Variants in AP5M1 observed in about 807,000 individuals in gnomAD.
AP5M1 encodes the protein adaptor related protein complex 5 subunit mu 1, also known as AP-5 complex subunit mu-1.
Under a neutral mutation model 52.3 loss-of-function variants are expected in AP5M1, and 44 were observed. The ratio of observed to expected loss-of-function variants is 0.84; its 90% confidence interval spans 0.66 to 1.08. The LOEUF (loss-of-function observed/expected upper bound fraction) is 1.08, where lower values mean the gene tolerates loss of function less well. Among genes scored for constraint, AP5M1 ranks in the 50% least tolerant of loss-of-function variants. The pLI, the probability that AP5M1 is intolerant of heterozygous loss-of-function variation, is 0.00. For missense variants in AP5M1, 526 were observed against 568.4 expected (o/e 0.93, Z 0.76); for synonymous variants, 213 against 199.0 (o/e 1.07, Z -0.59).
At chr14:57,285,827 A>G (rs986935513) in intron 6 of AP5M1, among the ~76,000 whole-genome samples, 3 of 152,122 alleles carry the variant, frequency 2.0e-5, no homozygotes. Flanking sequence ...CACGGGGGAG[A>G]CAGCACCAGC....
intron 6 of AP5M1, among the ~76,000 whole-genome samples, chr14:57,284,028 T>C (rs1353371998): frequency 2.0e-5 from 3 of 152,142 alleles, no homozygotes; most frequent in East Asian, 1.9e-4. Context: ...AAATAGAAGA[T>C]GTAGTCCTTG....
Position 57,291,164 on chromosome 14 carries a change from CA to C in AP5M1, c.*2281del, listed in dbSNP as rs1885426722. On this transcript the variant is annotated 3_prime_UTR_variant, in exon 8 of 8. Transcript: ENST00000261558. ...AAATTATCTCACTATGGATTTTATT[CA>C]TTTTCTTTGATAACTATTCTTTGCA... The C allele has an allele frequency of 6.6e-6, 1 of 151,890 alleles. No individual in the cohort carries two copies. Among genetic ancestry groups the C allele is most frequent in the South Asian group, 2.1e-4 (1 of 4,830 alleles). The allele number at this position is 151,890 out of a possible 1,614,324, so 9.4% of individuals were successfully genotyped here.
Position 57,274,549 on chromosome 14 carries a change from G to C in AP5M1, c.380G>C (p.Gly127Ala), listed in dbSNP as rs1022834493. 1.5e-5 allele frequency: 25 copies of C among 1,614,020 alleles called. No individual in the cohort carries two copies. The African/African-American group carries it at 3.2e-4, about 21-fold the overall frequency. ...SPRPPLISVSGVSQGFEFLFG... is the reference protein window; with the variant it reads ...SPRPPLISVSAVSQGFEFLFG... ...CGTCCGCCACTAATTAGTGTCAGTG[G>C]AGTTTCACAAGGCTTTGAATTTCTT... is the stretch of plus-strand genomic sequence containing the variant. Residue 127 changes from glycine to alanine, a missense_variant, in exon 2 of 8, where the codon GGA becomes GCA. Gly to Ala is a moderately conservative substitution (Grantham distance 60). This residue lies in a region of AP5M1 where 425 missense variants were observed against 430.6 expected (regional missense o/e 0.99). Coordinates refer to ENST00000261558, the MANE Select transcript of AP5M1 (RefSeq NM_018229.4).
At chr14:57,273,755 G>A (rs747672578) in intron 1 of AP5M1, 1 of 701,636 alleles carries the variant, frequency 1.4e-6, no homozygotes, top group African/African-American at 1.7e-5. Flanking sequence ...TATAAGTTAA[G>A]TAGAATAGAA....
Position 57,282,083 on chromosome 14 carries a change from T to C in AP5M1, c.949-6T>C. The C allele has an allele frequency of 1.3e-6, 2 of 1,564,294 alleles. No individual in the cohort carries two copies. The highest frequency in any genetic ancestry group is 1.7e-6 in the Non-Finnish European group (2 of 1,162,862). ...GAATTATATAGACATTTATGTTTCT[T>C]TTTAGGTCCCTGTCCCACCAATTTT... is the stretch of plus-strand genomic sequence containing the variant. On this transcript the variant is annotated splice_polypyrimidine_tract_variant and splice_region_variant and intron_variant, in intron 3 of 7. Transcript: ENST00000261558.
At chr14:57,287,976 C>A (rs1205033599) in intron 7 of AP5M1, among the ~76,000 whole-genome samples, 1 of 152,048 alleles carries the variant, frequency 6.6e-6, no homozygotes, top group Non-Finnish European at 1.5e-5. Context: ...TTGCAAATGG[C>A]AGAACTGCGA....
chr14:57,284,770 A>T (rs1004516907), intron 6 of AP5M1, among the ~76,000 whole-genome samples: 5 of 152,226 alleles, frequency 3.3e-5, no homozygotes, highest in African/African-American at 1.2e-4. Flanking sequence ...TTTATTCCAA[A>T]TATCTAGTCC....
intron 6 of AP5M1, 22 bp downstream of exon 6, chr14:57,283,252 A>C: frequency 5.6e-5 from 75 of 1,331,338 alleles, no homozygotes; most frequent in Non-Finnish European, 7.5e-5. Context: ...TATACAGCTC[A>C]CTACAGTAGC....
chr14:57,282,500 G>A (rs1233845417), intron 4 of AP5M1, among the ~76,000 whole-genome samples: 2 of 152,028 alleles, frequency 1.3e-5, no homozygotes, highest in Non-Finnish European at 2.9e-5. Context: ...TTTATTTCTA[G>A]CAATTTTTCC....
chr14:57,274,402 T>A lies in AP5M1; in HGVS notation c.233T>A (p.Ile78Asn), dbSNP rs1884968289. The change falls in exon 2 of 8, where the codon ATC (isoleucine) becomes AAC (asparagine). Residue 78 changes from isoleucine to asparagine, a missense_variant. By Grantham distance (149) the Ile-to-Asn change is moderately radical. This residue lies in a region of AP5M1 where 425 missense variants were observed against 430.6 expected (regional missense o/e 0.99). Coordinates refer to ENST00000261558, the MANE Select transcript of AP5M1 (RefSeq NM_018229.4). ...GAGAGTCGTGATAGCTGTTCACGCA[T>A]CAATAAAACATCCATTTATGGACTC... ...FVESRDSCSR[I>N]NKTSIYGLLI... 1.2e-6 allele frequency: 2 copies of A among 1,614,050 alleles called. No individual in the cohort carries two copies. Among genetic ancestry groups the A allele is most frequent in the South Asian group, 2.2e-5 (2 of 91,082 alleles).
intron 1 of AP5M1, chr14:57,273,673 C>T (rs1187781552): frequency 2.9e-6 from 2 of 700,872 alleles, no homozygotes; most frequent in East Asian, 2.7e-5. Context: ...TAGAGATAAA[C>T]CATTATTACT....
chr14:57,282,165 A>G lies in AP5M1; in HGVS notation c.1025A>G (p.Lys342Arg). 2 of 1,580,736 alleles carry G rather than the reference A, an allele frequency of 1.3e-6. No individual in the cohort carries two copies. Among genetic ancestry groups the G allele is most frequent in the Non-Finnish European group, 8.6e-7 (1 of 1,167,844 alleles). Reference protein sequence around the residue: ...EVQLRITINLKLHESVKNNFE... With the variant: ...EVQLRITINLRLHESVKNNFE... ...CAACTAAGAATAACCATTAATTTAAAACTTCATGAAAGTGTGAAAAATAAT... is the reference window on the plus strand; with the variant it reads ...CAACTAAGAATAACCATTAATTTAAGACTTCATGAAAGTGTGAAAAATAAT... The change falls in exon 4 of 8, where the codon AAA becomes AGA. Residue 342 changes from lysine (K) to arginine (R), a missense_variant. By Grantham distance (26) the Lys-to-Arg change is conservative. This residue lies in a region of AP5M1 where 425 missense variants were observed against 430.6 expected (regional missense o/e 0.99). Transcript: ENST00000261558.
At position 57,276,397 on chromosome 14, in the gene AP5M1, G is replaced by A. The variant is rs185230568; in HGVS notation, c.720+1508G>A. Among the ~76,000 whole-genome samples the A allele has an allele frequency of 2.1e-3, 316 of 152,124 alleles. 2 individuals are homozygous for A. The highest frequency in any genetic ancestry group is 7.3e-3 in the African/African-American group (301 of 41,500). ...TTGAGACCAGCCTGGCCAACATGGC[G>A]AAACCCTGTCTCTACTAAAAATACA... On this transcript the variant is annotated intron_variant, in intron 2 of 7. Transcript: ENST00000261558.
Position 57,289,576 on chromosome 14 carries a change from A to G in AP5M1, c.*692A>G, listed in dbSNP as rs1470114985. The G allele has an allele frequency of 6.6e-6, 1 of 152,042 alleles. No individual in the cohort carries two copies. The highest frequency in any genetic ancestry group is 1.5e-5 in the Non-Finnish European group (1 of 67,968). The allele number at this position is 152,042 out of a possible 1,614,324, so 9.4% of individuals were successfully genotyped here. A position where few individuals can be genotyped will look rare whatever the true frequency, so the allele number is the denominator to read the frequency against. ...TTTTAAGTAAGCTTGTTAATCTGCC[A>G]CTTTGACATTTTGCTTAGGATGTCA... is the stretch of plus-strand genomic sequence containing the variant. On this transcript the variant is annotated 3_prime_UTR_variant, in exon 8 of 8. Coordinates refer to ENST00000261558, the MANE Select transcript of AP5M1 (RefSeq NM_018229.4).
At position 57,274,536 on chromosome 14, in the gene AP5M1, A is replaced by G; in HGVS notation, c.367A>G (p.Ile123Val). The change falls in exon 2 of 8, where the codon ATT (isoleucine) becomes GTT (valine). Residue 123 changes from isoleucine to valine, a missense_variant. Physicochemically the swap from Ile to Val is conservative, Grantham distance 29. This residue lies in a region of AP5M1 where 425 missense variants were observed against 430.6 expected (regional missense o/e 0.99). Transcript: ENST00000261558. ...EQTLSPRPPLISVSGVSQGFE... is the reference protein window; with the variant it reads ...EQTLSPRPPLVSVSGVSQGFE... The stretch of plus-strand genomic sequence containing the variant: ...AACTCTGTCCCCTCGTCCGCCACTA[A>G]TTAGTGTCAGTGGAGTTTCACAAGG... 1.2e-6 allele frequency: 2 copies of G among 1,614,190 alleles called. No homozygotes were observed. Among genetic ancestry groups the G allele is most frequent in the Non-Finnish European group, 8.5e-7 (1 of 1,180,024 alleles).
At chr14:57,283,863 T>TGGTGG (rs1885244566) in intron 6 of AP5M1, among the ~76,000 whole-genome samples, 1 of 152,100 alleles carries the variant, frequency 6.6e-6, no homozygotes, top group Non-Finnish European at 1.5e-5. Flanking sequence ...GTGCACACCT[T>TGGTGG]TAGTCACAGC....
Position 57,268,994 on chromosome 14 carries a change from G to C in AP5M1, c.-321G>C, listed in dbSNP as rs1884800695. On this transcript the variant is annotated 5_prime_UTR_variant, in exon 1 of 8. Transcript: ENST00000261558. ...AAAGGCTCGACGCTACCGTGTATGA[G>C]GAACTTTGATCCTTGCGGGCCACCA... The C allele has an allele frequency of 3.5e-6, 2 of 563,470 alleles. No homozygotes were observed. The highest frequency in any genetic ancestry group is 6.2e-6 in the Non-Finnish European group (2 of 324,426). The allele number at this position is 563,470 out of a possible 1,614,324, so 34.9% of individuals were successfully genotyped here. A position where few individuals can be genotyped will look rare whatever the true frequency, so the allele number is the denominator to read the frequency against.
In AP5M1 at chr14:57,291,747, G is replaced by T. The variant is rs1404822186; in HGVS notation, c.*2863G>T. The stretch of plus-strand genomic sequence containing the variant: ...ATTGTATGATTTAAGATCTTTCAAG[G>T]CAGACATTTATACTTGGTAACAATT... On this transcript the variant is annotated 3_prime_UTR_variant, in exon 8 of 8. Coordinates refer to ENST00000261558, the MANE Select transcript of AP5M1 (RefSeq NM_018229.4). 6.6e-6 allele frequency: 1 copy of T among 151,624 alleles called. No homozygotes were observed. The highest frequency in any genetic ancestry group is 6.6e-5 in the Admixed American group (1 of 15,174). 9.4% of individuals were successfully genotyped at this position (151,624 alleles called of 1,614,324 possible).
In AP5M1 at chr14:57,274,543, T is replaced by G. The variant is rs1482459157; in HGVS notation, c.374T>G (p.Val125Gly). 1 of 1,614,148 alleles carries G rather than the reference T, an allele frequency of 6.2e-7. No individual in the cohort carries two copies. Among genetic ancestry groups the G allele is most frequent in the African/African-American group, 1.3e-5 (1 of 75,030 alleles). Residue 125 changes from valine to glycine, a missense_variant, in exon 2 of 8, where the codon GTC (valine) becomes GGC (glycine). This residue lies in a region of AP5M1 where 425 missense variants were observed against 430.6 expected (regional missense o/e 0.99). Coordinates refer to ENST00000261558, the MANE Select transcript of AP5M1 (RefSeq NM_018229.4). ...TCCCCTCGTCCGCCACTAATTAGTG[T>G]CAGTGGAGTTTCACAAGGCTTTGAA... is the stretch of plus-strand genomic sequence containing the variant. ...TLSPRPPLIS[V>G]SGVSQGFEFL...
Sources: allele counts gnomAD v4.1 joint callset (sites outside exome capture counted in the v4.1 genomes callset), GRCh38; gene constraint gnomAD v4.1.1; regional missense constraint gnomAD v4.1.1; transcripts MANE v1.5; gene names NCBI Gene and HGNC (gene_info 2026-07-23, HGNC 2026-07-21).